The following YIF1B variants were observed in gnomAD, a reference collection of about 807,000 sequenced individuals.
The protein encoded by YIF1B is Yip1 interacting factor homolog B, membrane trafficking protein.
Under a neutral mutation model 34.6 loss-of-function variants are expected in YIF1B, and 24 were observed. The observed-to-expected ratio is 0.69, with a 90% CI of 0.50 to 0.98. YIF1B has a LOEUF of 0.98. Among genes scored for constraint, YIF1B ranks in the 50% least tolerant of loss-of-function variants. The pLI is 0.00. For missense variants in YIF1B, 368 were observed against 429.4 expected, an observed-to-expected ratio of 0.86 and a Z score of 1.26; for synonymous variants, 186 against 184.8, an observed-to-expected ratio of 1.01 and a Z score of -0.05.
At chr19:38,315,502 C>T (rs1969509264) in intron 1 of YIF1B, 1 of 1,404,364 alleles carries the variant, frequency 7.1e-7, no homozygotes, top group Non-Finnish European at 9.2e-7. Flanking sequence ...GCATGGCCCT[C>T]TGCGCTCCCG....
In YIF1B at chr19:38,309,469, G is replaced by A; in HGVS notation, c.233C>T (p.Ser78Phe). ...PHAAFLADPV[S>F]NMAMAYGSSL... ...GCTCCCATAGGCCATGGCCATGTTG[G>A]ACACCGGGTCAGCCAGGAAGGCTGC... is the stretch of plus-strand genomic sequence containing the variant. Residue 78 changes from serine to phenylalanine, a missense_variant, in exon 2 of 8, where the codon TCC becomes TTC. Coordinates refer to ENST00000339413, the MANE Select transcript of YIF1B (RefSeq NM_001039672.3). 3.7e-6 allele frequency: 6 copies of A among 1,614,042 alleles called. No homozygotes were observed. The highest frequency in any genetic ancestry group is 5.1e-6 in the Non-Finnish European group (6 of 1,179,994).
chr19:38,314,058 G>A (rs1449165873), intron 1 of YIF1B, among the ~76,000 whole-genome samples: 1 of 151,520 alleles, frequency 6.6e-6, no homozygotes, highest in Non-Finnish European at 1.5e-5. Context: ...GCGTTGTTTC[G>A]CTCGTTGCCT....
Position 38,304,088 on chromosome 19 carries a change from A to G in YIF1B, c.*1264T>C. ...CCTGTCCATCTCCCCCACTTCTCAC[A>G]GAGGAAATCCTGGGTGGTGCCGGGC... On this transcript the variant is annotated 3_prime_UTR_variant, in exon 8 of 8. Transcript: ENST00000339413. 1.3e-6 allele frequency: 1 copy of G among 787,282 alleles called. No individual in the cohort carries two copies. Among genetic ancestry groups the G allele is most frequent in the Non-Finnish European group, 2.0e-6 (1 of 504,502 alleles). 48.8% of individuals were successfully genotyped at this position (787,282 alleles called of 1,614,324 possible). A position where few individuals can be genotyped will look rare whatever the true frequency, so the allele number is the denominator to read the frequency against.
upstream of YIF1B, chr19:38,316,045 A>T: frequency 1.6e-6 from 2 of 1,228,770 alleles, no homozygotes; most frequent in Non-Finnish European, 2.1e-6. Flanking sequence ...CACCCCCCCG[A>T]CCCCTCCAGC....
upstream of YIF1B, chr19:38,320,205 C>A: frequency 6.2e-7 from 1 of 1,602,770 alleles, no homozygotes; most frequent in Non-Finnish European, 8.5e-7. Context: ...GGTCCGCCAA[C>A]GCCTCGGACC....
chr19:38,309,542 G>A lies in YIF1B; in HGVS notation c.160C>T (p.Arg54Trp), dbSNP rs755747672. ...GGATAACTCAGGCCACCAGGTGCCCGCTGGGCCCCATAGCCCCGGCTCTGG... is the reference window on the plus strand; with the variant it reads ...GGATAACTCAGGCCACCAGGTGCCCACTGGGCCCCATAGCCCCGGCTCTGG... ...SAQSRGYGAQ[R>W]APGGLSYPAA... The change falls in exon 2 of 8, where the codon CGG becomes TGG. Residue 54 changes from arginine to tryptophan, a missense_variant. Physicochemically the swap from Arg to Trp is moderately radical, Grantham distance 101 (BLOSUM62 -3). This residue lies in a region of YIF1B where 153 missense variants were observed against 156.7 expected (regional missense o/e 0.98). Coordinates refer to ENST00000339413, the MANE Select transcript of YIF1B (RefSeq NM_001039672.3). 3.7e-5 allele frequency: 59 copies of A among 1,604,142 alleles called. No individual in the cohort carries two copies. Among genetic ancestry groups the A allele is most frequent in the Non-Finnish European group, 4.6e-5 (54 of 1,175,812 alleles).
In YIF1B at chr19:38,303,759, G is replaced by A. The variant is rs1968861574; in HGVS notation, c.*1593C>T. Among the ~76,000 whole-genome samples, 2 of 152,196 alleles carry A rather than the reference G, an allele frequency of 1.3e-5. No individual in the cohort carries two copies. Among genetic ancestry groups the A allele is most frequent in the Admixed American group, 1.3e-4 (2 of 15,278 alleles). On this transcript the variant is annotated 3_prime_UTR_variant, in exon 8 of 8. Coordinates refer to ENST00000339413, the MANE Select transcript of YIF1B (RefSeq NM_001039672.3). ...CACCTTGCTGCTAAGTGACACAGCT[G>A]GCATCTAGTGCAGCAGGCTGGCTCC...
At chr19:38,315,816 C>A (rs1568361534) in intron 1 of YIF1B, 44 bp downstream of exon 1, 2 of 1,515,420 alleles carry the variant, frequency 1.3e-6, no homozygotes, top group Non-Finnish European at 1.8e-6. Context: ...CGCGGCCGCC[C>A]CGCCACGCCC....
intron 1 of YIF1B, 98 bp downstream of exon 1, chr19:38,315,762 C>T (rs576505362): frequency 6.2e-7 from 1 of 1,604,342 alleles, no homozygotes; most frequent in Non-Finnish European, 8.5e-7. Context: ...GGTTCCAGAT[C>T]CTTGATCTCG....
intron 1 of YIF1B, among the ~76,000 whole-genome samples, chr19:38,310,843 T>C (rs1383985872): frequency 6.6e-6 from 1 of 152,036 alleles, no homozygotes; most frequent in Non-Finnish European, 1.5e-5. Context: ...AGTGAGGCCT[T>C]CCCCAGCCAT....
At chr19:38,315,693 A>G (rs1391309903) in intron 1 of YIF1B, 167 bp downstream of exon 1, 2 of 1,605,370 alleles carry the variant, frequency 1.2e-6, no homozygotes, top group South Asian at 1.1e-5. Flanking sequence ...TTCCTAAAGA[A>G]TCGCCCCCCA....
upstream of YIF1B, chr19:38,319,736 CCGAA>C: frequency 1.9e-6 from 1 of 515,792 alleles, no homozygotes; most frequent in Non-Finnish European, 3.3e-6. Context: ...TCCACCCTCT[CCGAA>C]CGAACACCTG....
At chr19:38,314,218 G>A (rs1969442745) in intron 1 of YIF1B, among the ~76,000 whole-genome samples, 1 of 141,766 alleles carries the variant, frequency 7.1e-6, no homozygotes, top group Non-Finnish European at 1.5e-5. Flanking sequence ...TTTTTGAGAT[G>A]GAGTCTCACT....
At chr19:38,320,252 G>A (rs1969635097), upstream of YIF1B, 4 of 1,606,272 alleles carry the variant, frequency 2.5e-6, no homozygotes, top group African/African-American at 4.0e-5. Context: ...TTCTTCGCCA[G>A]CACGCTGATC....
chr19:38,307,885 A>C, intron 5 of YIF1B, 133 bp from the exon 6 acceptor site: 1 of 1,193,304 alleles, frequency 8.4e-7, no homozygotes. Context: ...GCGCTATCCT[A>C]TTCCCACGGA....
chr19:38,305,475 G>A lies in YIF1B; in HGVS notation c.822C>T (p.Asp274=), dbSNP rs757331476. The A allele has an allele frequency of 4.4e-6, 7 of 1,607,604 alleles. No individual in the cohort carries two copies. The highest frequency in any genetic ancestry group is 5.1e-6 in the Non-Finnish European group (6 of 1,176,170). Residue 274 remains aspartate (D), a synonymous_variant, in exon 8 of 8, where the codon GAC becomes GAT. Transcript: ENST00000339413. ...IRTLRLKILA[D]AAAEGVPVRG... ...GCACCGGGACCCCCTCAGCTGCTGC[G>A]TCTGCCAAGATCTTCAGCCGCAGCG...
chr19:38,315,276 C>T (rs1969500088), intron 1 of YIF1B: 1 of 633,498 alleles, frequency 1.6e-6, no homozygotes, highest in Non-Finnish European at 2.0e-6. Context: ...AAGAAGTATC[C>T]TCTTCCAGGA....
At chr19:38,320,326 C>G, upstream of YIF1B, 2 of 1,584,434 alleles carry the variant, frequency 1.3e-6, no homozygotes, top group Non-Finnish European at 1.7e-6. Flanking sequence ...CCACTTCATC[C>G]TTAACCCCTG....
At chr19:38,320,748 GGA>G (rs1341243666), upstream of YIF1B, among the ~76,000 whole-genome samples, 2 of 151,966 alleles carry the variant, frequency 1.3e-5, no homozygotes, top group East Asian at 3.9e-4. Flanking sequence ...CAGTGGAGAC[GGA>G]GTTTCACCAT....
Sources: gnomAD v4.1 joint callset for allele counts (sites outside exome capture counted in the v4.1 genomes callset) on GRCh38, gnomAD v4.1.1 for gene constraint, gnomAD v4.1.1 regional missense constraint, MANE v1.5 for transcripts, NCBI Gene and HGNC (gene_info 2026-07-23, HGNC 2026-07-21) for gene names.